Variants in FER observed in about 807,000 individuals in gnomAD.
The protein encoded by FER is tyrosine-protein kinase Fer.
A neutral mutation model predicts 111.0 loss-of-function variants in FER; 63 were observed. The ratio of observed to expected loss-of-function variants is 0.57; its 90% confidence interval spans 0.46 to 0.70. The LOEUF is 0.70. Ranked by LOEUF, FER falls within the 30% of genes least tolerant of loss-of-function variation. The probability of loss-of-function intolerance (pLI) is 0.00; values close to 1 mark genes in which losing one functional copy is unlikely to be tolerated. For synonymous variants in FER, 327 were observed against 313.9 expected, an observed-to-expected ratio of 1.04 and a Z score of -0.44; for missense variants, 914 against 954.0, an observed-to-expected ratio of 0.96 and a Z score of 0.55.
At chr5:109,025,776 T>C (rs1479192802) in intron 13 of FER, among the ~76,000 whole-genome samples, 5 of 152,052 alleles carry the variant, frequency 3.3e-5, no homozygotes, top group Non-Finnish European at 4.4e-5. Context: ...ATAGCTCTTA[T>C]TATTTTGAAA....
chr5:108,891,328 T>C (rs1247268269), intron 9 of FER: 1 of 152,158 alleles, frequency 6.6e-6, no homozygotes, highest in Non-Finnish European at 1.5e-5. Context: ...TTGACACATA[T>C]GTCATTTGTA....
rs77027583 is a variant in FER, at chr5:109,125,817, A to T, written c.2048+25298A>T. Reference sequence around the variant, plus strand: ...GACTTTTGAGAAATAGTTTTAGAATAAGAACATTCCCAGGTTGTTCCTAAT... The same window carrying T: ...GACTTTTGAGAAATAGTTTTAGAATTAGAACATTCCCAGGTTGTTCCTAAT... On this transcript the variant is annotated intron_variant, in intron 17 of 19. Transcript: ENST00000281092. 5.3e-4 allele frequency among the ~76,000 whole-genome samples: 81 copies of T among 152,350 alleles called. 1 individual carries two copies. The East Asian group carries it at 0.014, about 27-fold the overall frequency.
At chr5:108,791,404 G>A (rs1406541698) in intron 2 of FER, among the ~76,000 whole-genome samples, 2 of 151,976 alleles carry the variant, frequency 1.3e-5, no homozygotes, top group African/African-American at 2.4e-5. Context: ...ATCTTTTCAT[G>A]AGCCTATTGG....
chr5:108,932,024 CA>C (rs1241360120), intron 10 of FER, among the ~76,000 whole-genome samples: 7 of 146,722 alleles, frequency 4.8e-5, no homozygotes, highest in Non-Finnish European at 6.1e-5. Flanking sequence ...CACTTGGTTA[CA>C]TTTTTTTTTT....
At chr5:109,123,572 G>A (rs926630032) in intron 17 of FER, among the ~76,000 whole-genome samples, 1 of 151,728 alleles carries the variant, frequency 6.6e-6, no homozygotes, top group South Asian at 2.1e-4. Context: ...GAGGTTATGA[G>A]GCTTCCAAAT....
At chr5:109,001,089 G>A (rs1413643253) in intron 13 of FER, among the ~76,000 whole-genome samples, 1 of 152,034 alleles carries the variant, frequency 6.6e-6, no homozygotes, top group African/African-American at 2.4e-5. Flanking sequence ...GGAGGAGCTG[G>A]TACCATTCCT....
chr5:109,028,512 TAGAA>T (rs1769108514), intron 13 of FER, among the ~76,000 whole-genome samples: 1 of 152,162 alleles, frequency 6.6e-6, no homozygotes, highest in South Asian at 2.1e-4. Context: ...TATAATTTGT[TAGAA>T]AGGACATAAG....
intron 8 of FER, among the ~76,000 whole-genome samples, chr5:108,876,679 A>G (rs1765120894): frequency 6.6e-6 from 1 of 152,176 alleles, no homozygotes; most frequent in Non-Finnish European, 1.5e-5. Flanking sequence ...ACTTAATTAA[A>G]ATCTTATGGT....
At chr5:109,185,830 C>T (rs765872530) in intron 18 of FER, among the ~76,000 whole-genome samples, 19 of 152,160 alleles carry the variant, frequency 1.2e-4, no homozygotes, top group Non-Finnish European at 2.6e-4. Context: ...AGAAATGCGT[C>T]GTTACGCAGT....
chr5:108,902,339 A>G lies in FER; in HGVS notation c.1236+4491A>G, dbSNP rs528405161. Among the ~76,000 whole-genome samples the G allele has an allele frequency of 8.5e-5, 13 of 152,294 alleles. No individual in the cohort carries two copies. In the South Asian group the frequency reaches 2.3e-3, roughly 27 times the overall value. On this transcript the variant is annotated intron_variant, in intron 10 of 19. Coordinates refer to ENST00000281092, the MANE Select transcript of FER (RefSeq NM_005246.4). ...ATTTTGCTAGGCTGGCAGTAGTACT[A>G]GTCTGAGTTTTGTTGTATTGATTTG...
chr5:108,787,602 G>C lies in FER; in HGVS notation c.-59-10522G>C, dbSNP rs138725941. 4.6e-3 allele frequency among the ~76,000 whole-genome samples: 698 copies of C among 152,326 alleles called. 6 individuals carry two copies. Among genetic ancestry groups the C allele is most frequent in the Non-Finnish European group, 7.0e-3 (476 of 68,028 alleles). ...AGGCCCACCATGGCTGCCCATGGAT[G>C]AATCAGTATGCAGTTCCCTGATTCT... On this transcript the variant is annotated intron_variant, in intron 2 of 19. Transcript: ENST00000281092.
At position 109,188,553 on chromosome 5, in the gene FER, G is replaced by GAAGA. The variant is rs542898029; in HGVS notation, c.*982_*985dup. ...GCTAAAGAATGATTAACAGAGTAAAGAAGAAAGTGAAAATATAAAACCACC... is the reference window on the plus strand; with the variant it reads ...GCTAAAGAATGATTAACAGAGTAAAGAAGAAAGAAAGTGAAAATATAAAACCACC... On this transcript the variant is annotated 3_prime_UTR_variant, in exon 20 of 20. Transcript: ENST00000281092. 8.2e-4 allele frequency: 125 copies of GAAGA among 152,198 alleles called. No individual in the cohort carries two copies. The highest frequency in any genetic ancestry group is 2.7e-3 in the African/African-American group (114 of 41,526). 9.4% of individuals were successfully genotyped at this position (152,198 alleles called of 1,614,324 possible). A position where few individuals can be genotyped will look rare whatever the true frequency, so the allele number is the denominator to read the frequency against.
intron 13 of FER, among the ~76,000 whole-genome samples, chr5:109,003,626 A>G (rs1406214553): frequency 6.6e-6 from 1 of 152,032 alleles, no homozygotes; most frequent in Non-Finnish European, 1.5e-5. Context: ...TAATAATAAA[A>G]TTAAAAAAAT....
At chr5:109,084,507 T>TA (rs147064446) in intron 16 of FER, among the ~76,000 whole-genome samples, 218 of 151,458 alleles carry the variant, frequency 1.4e-3, no homozygotes, top group African/African-American at 4.0e-3. Context: ...CAATTAAAAA[T>TA]AAAAAAAAAT....
At chr5:109,095,939 T>G (rs1747456321) in intron 16 of FER, among the ~76,000 whole-genome samples, 1 of 152,074 alleles carries the variant, frequency 6.6e-6, no homozygotes, top group Non-Finnish European at 1.5e-5. Flanking sequence ...ACTGGGAAAC[T>G]GATATATCTT....
At chr5:108,819,673 T>C (rs534406998) in intron 3 of FER, 1 of 455,276 alleles carries the variant, frequency 2.2e-6, no homozygotes, top group East Asian at 1.6e-4. Context: ...CAAAGTTAGC[T>C]TTAATAGGAG....
chr5:108,958,629 GT>G (rs1283171089), intron 12 of FER, among the ~76,000 whole-genome samples: 1 of 151,724 alleles, frequency 6.6e-6, no homozygotes, highest in Non-Finnish European at 1.5e-5. Context: ...TTTTGTCACT[GT>G]TGCATTTTAT....
intron 16 of FER, among the ~76,000 whole-genome samples, chr5:109,062,029 G>A (rs1367001594): frequency 6.6e-6 from 1 of 151,782 alleles, no homozygotes; most frequent in Non-Finnish European, 1.5e-5. Context: ...TACTTTGCTT[G>A]CTTGCTTGCT....
chr5:109,053,070 A>G (rs1426029929), intron 16 of FER, among the ~76,000 whole-genome samples: 1 of 152,162 alleles, frequency 6.6e-6, no homozygotes, highest in African/African-American at 2.4e-5. Context: ...TCACACATTT[A>G]TTAATGTCAC....
Sources: gnomAD v4.1 joint callset for allele counts (sites outside exome capture counted in the v4.1 genomes callset) on GRCh38, gnomAD v4.1.1 for gene constraint, MANE v1.5 for transcripts, NCBI Gene and HGNC (gene_info 2026-07-23, HGNC 2026-07-21) for gene names.